USP37: variants seen among roughly 807,000 people sequenced by gnomAD.
USP37 encodes ubiquitin carboxyl-terminal hydrolase 37.
In USP37, 27 loss-of-function variants were observed where a neutral mutation model predicts 124.0. The observed-to-expected ratio is 0.22, with a 90% CI of 0.16 to 0.30. The LOEUF (loss-of-function observed/expected upper bound fraction) is 0.30. Ranked by LOEUF, USP37 falls within the 10% of genes least tolerant of loss-of-function variation. The pLI is 1.00. For missense variants in USP37, 889 were observed against 1,140.4 expected (o/e 0.78, Z 3.17); for synonymous variants, 365 against 388.0 (o/e 0.94, Z 0.70).
At position 218,453,820 on chromosome 2, in the gene USP37, A is replaced by T. The variant is rs1291325188; in HGVS notation, c.*1110T>A. On this transcript the variant is annotated 3_prime_UTR_variant, in exon 26 of 26. Coordinates refer to ENST00000258399, the MANE Select transcript of USP37 (RefSeq NM_020935.3). ...GGCAAAGCCAGACAGTAAATGGTTA[A>T]ATGCCCAAGGTTTGTCCTACAGCTC... The T allele has an allele frequency of 1.3e-5, 2 of 152,246 alleles. No individual in the cohort carries two copies. The highest frequency in any genetic ancestry group is 2.9e-5 in the Non-Finnish European group (2 of 68,042). The allele number at this position is 152,246 out of a possible 1,614,324, so 9.4% of individuals were successfully genotyped here. A position where few individuals can be genotyped will look rare whatever the true frequency, so the allele number is the denominator to read the frequency against.
rs1329367954 is a variant in USP37, at chr2:218,549,832, G to C, written c.406C>G (p.Gln136Glu). The change falls in exon 6 of 26, where the codon CAG (glutamine) becomes GAG (glutamate). Residue 136 changes from glutamine to glutamate, a missense_variant. Transcript: ENST00000258399. ...SRTSQKETSR[Q>E]LSYSDNQASA... Reference sequence around the variant, plus strand: ...ACCTGATTGTCTGAGTAAGAAAGCTGCCTGCTGGTTTCCTTCTGTGAGGTC... The same window carrying C: ...ACCTGATTGTCTGAGTAAGAAAGCTCCCTGCTGGTTTCCTTCTGTGAGGTC... The C allele has an allele frequency of 1.2e-6, 2 of 1,612,786 alleles. No homozygotes were observed. Among genetic ancestry groups the C allele is most frequent in the Non-Finnish European group, 1.7e-6 (2 of 1,179,588 alleles).
Position 218,498,065 on chromosome 2 carries a change from C to T in USP37, c.1118G>A (p.Gly373Asp). 6.2e-7 allele frequency: 1 copy of T among 1,612,102 alleles called. No homozygotes were observed. The highest frequency in any genetic ancestry group is 8.5e-7 in the Non-Finnish European group (1 of 1,179,430). Residue 373 changes from glycine (G) to aspartate (D), a missense_variant, in exon 12 of 26, where the codon GGT (glycine) becomes GAT (aspartate). Physicochemically the swap from Gly to Asp is moderately conservative, Grantham distance 94. This residue lies in a region of USP37 where 504 missense variants were observed against 714.3 expected (regional missense o/e 0.71). Coordinates refer to ENST00000258399, the MANE Select transcript of USP37 (RefSeq NM_020935.3). ...QSFANDLLKQ[G>D]IPWKKIPLNA... is the part of the protein sequence containing the mutation. The stretch of plus-strand genomic sequence containing the variant: ...GAGTGGAATTTTCTTCCATGGGATA[C>T]CTTGTTTAAGCAAGTCATTTGCAAA...
intron 8 of USP37, among the ~76,000 whole-genome samples, chr2:218,536,256 T>A (rs1691640027): frequency 6.6e-6 from 1 of 152,200 alleles, no homozygotes; most frequent in African/African-American, 2.4e-5. Flanking sequence ...TAAATGTTCA[T>A]GCTTTAACAG....
intron 10 of USP37, among the ~76,000 whole-genome samples, chr2:218,527,114 T>C (rs563215615): frequency 2.6e-5 from 4 of 152,318 alleles, no homozygotes; most frequent in African/African-American, 9.6e-5. Flanking sequence ...GTTTCCTTGC[T>C]ATATTCCACG....
At chr2:218,482,037 G>A (rs755568814) in intron 17 of USP37, 33 bp downstream of exon 17, 1 of 1,543,888 alleles carries the variant, frequency 6.5e-7, no homozygotes, top group South Asian at 1.2e-5. Flanking sequence ...ATTTCAAAAG[G>A]GAATATAAAG....
At chr2:218,455,790 G>T in intron 24 of USP37, 72 bp from the exon 25 acceptor site, 1 of 1,506,292 alleles carries the variant, frequency 6.6e-7, no homozygotes. Flanking sequence ...GCTCACGCCT[G>T]TAATCTCAGC....
At chr2:218,548,705 A>G (rs1692509548) in intron 6 of USP37, among the ~76,000 whole-genome samples, 1 of 139,678 alleles carries the variant, frequency 7.2e-6, no homozygotes. Context: ...ACCAAAATAA[A>G]AGTTTGAAAA....
At chr2:218,480,059 T>C (rs1691170705) in intron 17 of USP37, among the ~76,000 whole-genome samples, 1 of 151,630 alleles carries the variant, frequency 6.6e-6, no homozygotes, top group South Asian at 2.1e-4. Context: ...GGCATGAGAA[T>C]TGCTTGAACC....
At chr2:218,519,556 A>G (rs979178819) in intron 10 of USP37, among the ~76,000 whole-genome samples, 1 of 151,896 alleles carries the variant, frequency 6.6e-6, no homozygotes, top group Non-Finnish European at 1.5e-5. Context: ...GGTTCAGCCA[A>G]CGTGCTTGGG....
At chr2:218,485,879 A>C (rs1691534201) in intron 15 of USP37, 136 bp from the exon 16 acceptor site, 4 of 871,064 alleles carry the variant, frequency 4.6e-6, no homozygotes. Context: ...CTGTGTCTAG[A>C]GCCATGAGCC....
intron 10 of USP37, among the ~76,000 whole-genome samples, chr2:218,529,652 C>T (rs1288571745): frequency 1.3e-5 from 2 of 151,690 alleles, no homozygotes; most frequent in African/African-American, 2.4e-5. Context: ...GACAGGGTCT[C>T]GTTCTGTTGC....
At chr2:218,476,608 T>C (rs1281568951) in intron 19 of USP37, among the ~76,000 whole-genome samples, 4 of 152,142 alleles carry the variant, frequency 2.6e-5, no homozygotes, top group African/African-American at 9.7e-5. Flanking sequence ...CAAGTAATTA[T>C]TTGAGGACGA....
intron 25 of USP37, 97 bp from the exon 26 acceptor site, chr2:218,455,114 G>A (rs986498496): frequency 5.0e-6 from 7 of 1,397,076 alleles, no homozygotes; most frequent in Non-Finnish European, 6.9e-6. Context: ...ATATGGATAA[G>A]GCCTTCACAA....
rs1325612439 is a variant in USP37 at position 218,454,019 on chromosome 2, T to C, written c.*911A>G. On this transcript the variant is annotated 3_prime_UTR_variant, in exon 26 of 26. Coordinates refer to ENST00000258399, the MANE Select transcript of USP37 (RefSeq NM_020935.3). ...GAGTCCCAATTGGAGAAATATTATC[T>C]TTCTACTTGTTTAAAGTTTTGGTTG... 6.6e-6 allele frequency: 1 copy of C among 152,370 alleles called. No individual in the cohort carries two copies. The highest frequency in any genetic ancestry group is 1.9e-4 in the East Asian group (1 of 5,206). 9.4% of individuals were successfully genotyped at this position (152,370 alleles called of 1,614,324 possible). A position where few individuals can be genotyped will look rare whatever the true frequency, so the allele number is the denominator to read the frequency against.
intron 14 of USP37, among the ~76,000 whole-genome samples, chr2:218,494,468 CTG>C (rs1412988592): frequency 6.6e-6 from 1 of 152,138 alleles, no homozygotes; most frequent in African/African-American, 2.4e-5. Context: ...ACTAGTGAAA[CTG>C]TGAATTTCAA....
chr2:218,476,922 T>C lies in USP37; in HGVS notation c.1961A>G (p.Asp654Gly). Reference sequence around the variant, plus strand: ...GAGGGCCACAGAACGTTTTAGCTCATCCTCACTGTCTGAATCAAGGCATAA... The same window carrying C: ...GAGGGCCACAGAACGTTTTAGCTCACCCTCACTGTCTGAATCAAGGCATAA... ...LALCLDSDSE[D>G]ELKRSVALSQ... is the part of the protein sequence containing the mutation. Residue 654 changes from aspartate (D) to glycine (G), a missense_variant, in exon 19 of 26, where the codon GAT (aspartate) becomes GGT (glycine). Coordinates refer to ENST00000258399, the MANE Select transcript of USP37 (RefSeq NM_020935.3). 8 of 1,608,454 alleles carry C rather than the reference T, an allele frequency of 5.0e-6. No homozygotes were observed. In the South Asian group the frequency reaches 8.9e-5, roughly 18 times the overall value.
At position 218,454,958 on chromosome 2, in the gene USP37, A is replaced by G. The variant is rs1456506791; in HGVS notation, c.2912T>C (p.Val971Ala). Residue 971 changes from valine to alanine, a missense_variant, in exon 26 of 26, where the codon GTG becomes GCG. Around this residue, in one of 3 missense-constraint regions of USP37, gnomAD observed 504 missense variants for 714.3 expected, o/e 0.71. Transcript: ENST00000258399. Reference sequence around the variant, plus strand: ...CAAGGCCTGACGGGTAGTCTTCCCCACTTCCGTGCTAAGTGACTGAGAGTT... The same window carrying G: ...CAAGGCCTGACGGGTAGTCTTCCCCGCTTCCGTGCTAAGTGACTGAGAGTT... ...EKNSQSLSTEVGKTTRQAL is the reference protein window; with the variant it reads ...EKNSQSLSTEAGKTTRQAL The G allele has an allele frequency of 6.2e-7, 1 of 1,613,994 alleles. No individual in the cohort carries two copies. Among genetic ancestry groups the G allele is most frequent in the Non-Finnish European group, 8.5e-7 (1 of 1,180,026 alleles).
At chr2:218,504,858 A>C (rs1232993860) in intron 11 of USP37, among the ~76,000 whole-genome samples, 2 of 152,102 alleles carry the variant, frequency 1.3e-5, no homozygotes, top group Non-Finnish European at 2.9e-5. Context: ...AAGTGTTGGG[A>C]TTACAGGCGT....
At chr2:218,499,209 G>A (rs1258026228) in intron 11 of USP37, among the ~76,000 whole-genome samples, 1 of 152,116 alleles carries the variant, frequency 6.6e-6, no homozygotes, top group Non-Finnish European at 1.5e-5. Context: ...GGGAGGCGGA[G>A]CTTGCAGTAA....
Sources: allele counts gnomAD v4.1 joint callset (sites outside exome capture counted in the v4.1 genomes callset), GRCh38; gene constraint gnomAD v4.1.1; regional missense constraint gnomAD v4.1.1; transcripts MANE v1.5; gene names NCBI Gene and HGNC (gene_info 2026-07-23, HGNC 2026-07-21).